The following DRC11 variants were observed in gnomAD, a reference collection of about 807,000 sequenced individuals.
The protein encoded by DRC11 is IQ and AAA domain-containing protein 1.
At chr2:236,425,633 GT>G in the DRC11 span, among the ~76,000 whole-genome samples, 4 of 151,898 alleles carry the variant, frequency 2.6e-5, no homozygotes, top group Non-Finnish European at 5.9e-5. Context: ...AAGTTTTTTA[GT>G]TTGGTGCAAT....
At chr2:236,410,293 T>A in the DRC11 span, among the ~76,000 whole-genome samples, 2 of 151,988 alleles carry the variant, frequency 1.3e-5, no homozygotes, top group Non-Finnish European at 2.9e-5. Flanking sequence ...CAGCTCCTGT[T>A]ATTGGTCTAT....
At chr2:236,502,396 G>A in the DRC11 span, among the ~76,000 whole-genome samples, 1 of 151,394 alleles carries the variant, frequency 6.6e-6, no homozygotes, top group Non-Finnish European at 1.5e-5. Flanking sequence ...GGCTAACATG[G>A]TGAAAACCCA....
the DRC11 span, among the ~76,000 whole-genome samples, chr2:236,352,328 C>G: frequency 6.6e-6 from 1 of 152,044 alleles, no homozygotes; most frequent in Non-Finnish European, 1.5e-5. The surrounding 1 kb of genome is among the most constrained non-coding windows in gnomAD (Gnocchi z 7.0). Context: ...GACGGGCAGA[C>G]AGTAAGCCTG....
At chr2:236,344,702 G>T in the DRC11 span, 1 of 1,269,806 alleles carries the variant, frequency 7.9e-7, no homozygotes. Context: ...GGTGTGCAGA[G>T]CCCTGGTTGT....
At chr2:236,372,686 T>C in the DRC11 span, among the ~76,000 whole-genome samples, 1 of 152,212 alleles carries the variant, frequency 6.6e-6, no homozygotes, top group Non-Finnish European at 1.5e-5. This position sits in a 1 kb window ranked among gnomAD's most constrained non-coding sequence, Gnocchi z 4.5. Flanking sequence ...CTTGACTCAC[T>C]GCAACCTTGA....
the DRC11 span, among the ~76,000 whole-genome samples, chr2:236,357,296 T>C: frequency 8.3e-6 from 1 of 121,184 alleles, no homozygotes; most frequent in Non-Finnish European, 1.6e-5. Flanking sequence ...TTATATATTA[T>C]ATATTCATAT....
the DRC11 span, among the ~76,000 whole-genome samples, chr2:236,419,744 T>C: frequency 1.3e-5 from 2 of 152,214 alleles, no homozygotes; most frequent in Non-Finnish European, 2.9e-5. The surrounding 1 kb of genome is among the most constrained non-coding windows in gnomAD (Gnocchi z 4.8). Flanking sequence ...ACCAGTGATT[T>C]AATTTATATC....
chr2:236,317,399 C>T, the DRC11 span, among the ~76,000 whole-genome samples: 1 of 152,108 alleles, frequency 6.6e-6, no homozygotes, highest in Non-Finnish European at 1.5e-5. This position sits in a 1 kb window ranked among gnomAD's most constrained non-coding sequence, Gnocchi z 5.4. Context: ...GGACGAACTG[C>T]GACTGCCTGC....
chr2:236,352,153 T>C, the DRC11 span, among the ~76,000 whole-genome samples: 1 of 151,390 alleles, frequency 6.6e-6, no homozygotes, highest in Non-Finnish European at 1.5e-5. This position sits in a 1 kb window ranked among gnomAD's most constrained non-coding sequence, Gnocchi z 7.0. Flanking sequence ...AAGGGATGGG[T>C]CTGGAGCGAT....
the DRC11 span, among the ~76,000 whole-genome samples, chr2:236,484,658 G>A: frequency 2.0e-5 from 3 of 151,086 alleles, no homozygotes; most frequent in Admixed American, 2.0e-4. Flanking sequence ...GAAAAAAGGT[G>A]TGTTTGTCAT....
the DRC11 span, among the ~76,000 whole-genome samples, chr2:236,381,539 G>A: frequency 3.3e-5 from 5 of 152,100 alleles, no homozygotes; most frequent in Non-Finnish European, 5.9e-5. This position sits in a 1 kb window ranked among gnomAD's most constrained non-coding sequence, Gnocchi z 5.8. Context: ...GCCTAAGAAC[G>A]TTGTTATAGC....
At chr2:236,493,755 A>G in the DRC11 span, 835 of 1,573,354 alleles carry the variant, frequency 5.3e-4, 6 homozygotes, top group African/African-American at 0.01. Flanking sequence ...GTTTGTTAAA[A>G]TGATATACAA....
the DRC11 span, among the ~76,000 whole-genome samples, chr2:236,448,891 G>A: frequency 1.3e-5 from 2 of 151,826 alleles, no homozygotes; most frequent in African/African-American, 4.8e-5. This position sits in a 1 kb window ranked among gnomAD's most constrained non-coding sequence, Gnocchi z 5.3. Flanking sequence ...ATGGAGTCTC[G>A]CTCTGTCACC....
At chr2:236,317,995 C>T in the DRC11 span, among the ~76,000 whole-genome samples, 2 of 152,238 alleles carry the variant, frequency 1.3e-5, no homozygotes, top group Admixed American at 6.5e-5. The surrounding 1 kb of genome is among the most constrained non-coding windows in gnomAD (Gnocchi z 5.4). Flanking sequence ...AGGCAGACAC[C>T]GGTCTCACGG....
chr2:236,486,833 C>T, the DRC11 span: 4 of 1,607,538 alleles, frequency 2.5e-6, no homozygotes, highest in African/African-American at 4.0e-5. The surrounding 1 kb of genome is among the most constrained non-coding windows in gnomAD (Gnocchi z 5.7). Flanking sequence ...ACTTACCATA[C>T]CCAGGAAGAT....
At chr2:236,409,080 C>T in the DRC11 span, 26 of 512,822 alleles carry the variant, frequency 5.1e-5, no homozygotes, top group African/African-American at 2.0e-4. Flanking sequence ...TGAGACATCA[C>T]GCCATCACAT....
the DRC11 span, among the ~76,000 whole-genome samples, chr2:236,358,260 GA>G: frequency 7.8e-6 from 1 of 127,392 alleles, no homozygotes; most frequent in Non-Finnish European, 1.6e-5. Flanking sequence ...TATACTATAT[GA>G]ATATATAATA....
At chr2:236,408,118 C>T in the DRC11 span, 3 of 655,218 alleles carry the variant, frequency 4.6e-6, no homozygotes, top group Admixed American at 5.4e-5. This position sits in a 1 kb window ranked among gnomAD's most constrained non-coding sequence, Gnocchi z 5.5. Context: ...GACAAAGCCA[C>T]CCAGAGAGTT....
the DRC11 span, among the ~76,000 whole-genome samples, chr2:236,318,625 A>G: frequency 2.1e-5 from 3 of 143,928 alleles, no homozygotes; most frequent in South Asian, 6.3e-4. The surrounding 1 kb of genome is among the most constrained non-coding windows in gnomAD (Gnocchi z 7.0). Flanking sequence ...TGTGGTGTGC[A>G]TATATCGTTT....
Sources: allele counts gnomAD v4.1 joint callset (sites outside exome capture counted in the v4.1 genomes callset), GRCh38; gene constraint gnomAD v4.1.1; non-coding constraint Gnocchi (gnomAD v3.1); transcripts MANE v1.5; gene names NCBI Gene and HGNC (gene_info 2026-07-23, HGNC 2026-07-21).